Variants in FHL3 observed in about 807,000 individuals in gnomAD.
FHL3 encodes the protein four and a half LIM domains 3.
FHL3 carries 21 observed loss-of-function variants against 34.3 expected under a neutral mutation model. The observed-to-expected ratio is 0.61, with a 90% CI of 0.43 to 0.88. The LOEUF (loss-of-function observed/expected upper bound fraction) is 0.88, where lower values mean the gene tolerates loss of function less well. Ranked by LOEUF, FHL3 falls within the 40% of genes least tolerant of loss-of-function variation. The probability of loss-of-function intolerance (pLI) is 0.00; values close to 1 mark genes in which losing one functional copy is unlikely to be tolerated. For missense variants in FHL3, 333 were observed against 373.7 expected (o/e 0.89, Z 0.90); for synonymous variants, 137 against 144.6 (o/e 0.95, Z 0.38).
rs1646548682 is a variant in FHL3, at chr1:37,997,690, T to C, written c.682A>G (p.Ile228Val). The C allele has an allele frequency of 6.2e-7, 1 of 1,613,930 alleles. No homozygotes were observed. Among genetic ancestry groups the C allele is most frequent in the African/African-American group, 1.3e-5 (1 of 74,894 alleles). The change falls in exon 5 of 6, where the codon ATC becomes GTC. Residue 228 changes from isoleucine to valine, a missense_variant. By Grantham distance (29) the Ile-to-Val change is conservative. Coordinates refer to ENST00000373016, the MANE Select transcript of FHL3 (RefSeq NM_004468.5). The surrounding 1 kb of genome is among the most constrained non-coding windows in gnomAD (Gnocchi z 4.3). ...APKCSSCKRP[I>V]VGLGGGKYVS... ...TCTTTGACCCTTGTCCCACCTACGA[T>C]GGGGCGCTTGCAGCTGCTGCACTTA...
intron 1 of FHL3, among the ~76,000 whole-genome samples, chr1:38,000,348 T>C (rs1453950733): frequency 6.6e-6 from 1 of 152,156 alleles, no homozygotes; most frequent in East Asian, 1.9e-4. Context: ...TGCTAACATC[T>C]GGCAAAACCC....
chr1:38,002,010 G>C lies in FHL3; in HGVS notation c.-20-2578C>G, dbSNP rs566160543. Among the ~76,000 whole-genome samples, 23 of 152,228 alleles carry C rather than the reference G, an allele frequency of 1.5e-4. No individual in the cohort carries two copies. In the South Asian group the frequency reaches 4.8e-3, roughly 32 times the overall value. ...GATAATAAATACTCAGAAAATGGTAGCTATTAGTATTTTACTATTAGCGCC... is the reference window on the plus strand; with the variant it reads ...GATAATAAATACTCAGAAAATGGTACCTATTAGTATTTTACTATTAGCGCC... On this transcript the variant is annotated intron_variant, in intron 1 of 5. Coordinates refer to ENST00000373016, the MANE Select transcript of FHL3 (RefSeq NM_004468.5).
rs1481058223 is a variant in FHL3, at chr1:37,999,055, C to T, written c.250G>A (p.Asp84Asn). 6.2e-7 allele frequency: 1 copy of T among 1,614,236 alleles called. No homozygotes were observed. ...CAGTCATTGCAGAGCAGCTCACTGT[C>T]CTGGCAGGTGAAGGGTTCATCGGCT... is the stretch of plus-strand genomic sequence containing the variant. The part of the protein sequence containing the change: ...SLADEPFTCQ[D>N]SELLCNDCYC... Residue 84 changes from aspartate to asparagine, a missense_variant, in exon 3 of 6, where the codon GAC (aspartate) becomes AAC (asparagine). By Grantham distance (23) the Asp-to-Asn change is conservative (BLOSUM62 1). Coordinates refer to ENST00000373016, the MANE Select transcript of FHL3 (RefSeq NM_004468.5).
At chr1:38,002,825 G>T (rs1646609305) in intron 1 of FHL3, among the ~76,000 whole-genome samples, 1 of 150,518 alleles carries the variant, frequency 6.6e-6, no homozygotes, top group African/African-American at 2.5e-5. Context: ...TGCCAGGGCT[G>T]GAGTGCAGTG....
rs1646541893 is a variant in FHL3, at chr1:37,997,179, G to T, written c.*226C>A. 4 of 543,538 alleles carry T rather than the reference G, an allele frequency of 7.4e-6. No homozygotes were observed. The highest frequency in any genetic ancestry group is 1.3e-5 in the Non-Finnish European group (4 of 304,630). The allele number at this position is 543,538 out of a possible 1,614,324, so 33.7% of individuals were successfully genotyped here. On this transcript the variant is annotated 3_prime_UTR_variant, in exon 6 of 6. Transcript: ENST00000373016. The surrounding 1 kb of genome is among the most constrained non-coding windows in gnomAD (Gnocchi z 4.3). ...GGGAGAGGGTGAATTCTGGAGTCCA[G>T]GTGTGGGGAGGGGGCTTGACTCATG... is the stretch of plus-strand genomic sequence containing the variant.
Position 37,999,269 on chromosome 1 carries a change from C to A in FHL3, c.144G>T (p.Gly48=), listed in dbSNP as rs1344083459. 2 of 1,614,198 alleles carry A rather than the reference C, an allele frequency of 1.2e-6. No individual in the cohort carries two copies. Among genetic ancestry groups the A allele is most frequent in the South Asian group, 2.2e-5 (2 of 91,090 alleles). ...GCCCTCTCCTTACCCTCGAGTCATG[C>A]CCGATAAGCTGCTGGCACTCAGCAC... ...NTCAECQQLI[G]HDSRELFYED... Residue 48 remains glycine (G), a synonymous_variant, in exon 2 of 6, where the codon GGG becomes GGT. Transcript: ENST00000373016.
Position 37,997,113 on chromosome 1 carries a change from T to G in FHL3, c.*292A>C. On this transcript the variant is annotated 3_prime_UTR_variant, in exon 6 of 6. Transcript: ENST00000373016. The surrounding 1 kb of genome is among the most constrained non-coding windows in gnomAD (Gnocchi z 4.3). ...TTTGGAGGGCTCGGGTCTAGAGCCC[T>G]GATTTGGGGAGAGGACTCAGTCTGG... The G allele has an allele frequency of 8.6e-6, 3 of 349,758 alleles. No individual in the cohort carries two copies. The highest frequency in any genetic ancestry group is 1.6e-5 in the Non-Finnish European group (3 of 188,728). 21.7% of individuals were successfully genotyped at this position (349,758 alleles called of 1,614,324 possible).
chr1:38,001,158 C>A (rs1036150210), intron 1 of FHL3, among the ~76,000 whole-genome samples: 1 of 152,232 alleles, frequency 6.6e-6, no homozygotes, highest in South Asian at 2.1e-4. Context: ...CATGAGGCCA[C>A]CAGGGGCCAG....
At chr1:38,002,288 C>T (rs188250407) in intron 1 of FHL3, among the ~76,000 whole-genome samples, 15 of 151,942 alleles carry the variant, frequency 9.9e-5, no homozygotes, top group African/African-American at 2.9e-4. Flanking sequence ...TTAGTAGAGA[C>T]GGGGTTTCAC....
At chr1:38,000,398 A>G (rs1282727868) in intron 1 of FHL3, among the ~76,000 whole-genome samples, 1 of 152,000 alleles carries the variant, frequency 6.6e-6, no homozygotes, top group Non-Finnish European at 1.5e-5. Flanking sequence ...TTTCCCTCCT[A>G]CTGCCTCTGG....
At chr1:38,000,103 G>A (rs1490384948) in intron 1 of FHL3, among the ~76,000 whole-genome samples, 2 of 152,218 alleles carry the variant, frequency 1.3e-5, no homozygotes, top group African/African-American at 4.8e-5. Flanking sequence ...AATCCTGCAA[G>A]CTGGACACAG....
intron 1 of FHL3, among the ~76,000 whole-genome samples, chr1:38,002,190 C>T (rs1646602579): frequency 6.6e-6 from 1 of 151,986 alleles, no homozygotes; most frequent in Non-Finnish European, 1.5e-5. Context: ...CCTCCACCTC[C>T]CGGGTTCAAG....
chr1:38,002,404 A>G (rs7512757), intron 1 of FHL3, among the ~76,000 whole-genome samples: 144,981 of 152,016 alleles, frequency 0.95, 69,150 homozygotes, highest in East Asian at 0.98. Flanking sequence ...TGCCTGGACT[A>G]GAATTTTTAA....
chr1:37,999,096 C>T lies in FHL3; in HGVS notation c.209G>A (p.Arg70His), dbSNP rs764957505. The T allele has an allele frequency of 4.3e-6, 7 of 1,614,034 alleles. No homozygotes were observed. Among genetic ancestry groups the T allele is most frequent in the East Asian group, 2.2e-5 (1 of 44,904 alleles). ...TTCATCGGCTAGTGAGCGCTGGCAG[C>T]GGCAGCAGCGGAAGCAGCCCTCGTG... is the stretch of plus-strand genomic sequence containing the variant. ...HFHEGCFRCCRCQRSLADEPF... is the reference protein window; with the variant it reads ...HFHEGCFRCCHCQRSLADEPF... Residue 70 changes from arginine (R) to histidine (H), a missense_variant, in exon 3 of 6, where the codon CGC becomes CAC. Coordinates refer to ENST00000373016, the MANE Select transcript of FHL3 (RefSeq NM_004468.5).
In FHL3 at chr1:37,998,125, C is replaced by T. The variant is rs1468643041; in HGVS notation, c.339G>A (p.Arg113=). 1 of 1,613,984 alleles carries T rather than the reference C, an allele frequency of 6.2e-7. No homozygotes were observed. Among genetic ancestry groups the T allele is most frequent in the Non-Finnish European group, 8.5e-7 (1 of 1,179,934 alleles). The change falls in exon 4 of 6, where the codon CGG becomes CGA. Residue 113 remains arginine (R), a synonymous_variant. Transcript: ENST00000373016. ...ATGTCTGGCCTCCATATTCCAGCTT[C>T]CGGGACCCTGTGGGGAACAGGGGTC... ...ACGETVMPGS[R]KLEYGGQTWH... is the part of the protein sequence containing the mutation.
Position 37,999,318 on chromosome 1 carries a change from T to C in FHL3, c.95A>G (p.Tyr32Cys). ...ACAGGTGTTGGCAAAGGTATTGTCA[T>C]AGCAGGGCACACAGTAGGGGCCGCT... is the stretch of plus-strand genomic sequence containing the variant. ...TDSGPYCVPC[Y>C]DNTFANTCAE... is the part of the protein sequence containing the mutation. The change falls in exon 2 of 6, where the codon TAT becomes TGT. Residue 32 changes from tyrosine to cysteine, a missense_variant. Coordinates refer to ENST00000373016, the MANE Select transcript of FHL3 (RefSeq NM_004468.5). 8 of 1,614,230 alleles carry C rather than the reference T, an allele frequency of 5.0e-6. No homozygotes were observed. The highest frequency in any genetic ancestry group is 6.8e-6 in the Non-Finnish European group (8 of 1,180,042).
Position 37,999,021 on chromosome 1 carries a change from C to T in FHL3, c.284G>A (p.Ser95Asn). The change falls in exon 3 of 6, where the codon AGT (serine) becomes AAT (asparagine). Residue 95 changes from serine to asparagine, a missense_variant. Ser to Asn is a conservative substitution (Grantham distance 46, BLOSUM62 1). Coordinates refer to ENST00000373016, the MANE Select transcript of FHL3 (RefSeq NM_004468.5). The stretch of plus-strand genomic sequence containing the variant: ...AGCGGAGCACTGCGAGGAAAACGCA[C>T]TGCAGTAGCAGTCATTGCAGAGCAG... ...SELLCNDCYC[S>N]AFSSQCSACG... The T allele has an allele frequency of 6.2e-7, 1 of 1,614,260 alleles. No individual in the cohort carries two copies. The highest frequency in any genetic ancestry group is 8.5e-7 in the Non-Finnish European group (1 of 1,180,048).
rs772133286 is a variant in FHL3, at chr1:37,999,118, C to T, written c.187G>A (p.Glu63Lys). The T allele has an allele frequency of 1.9e-5, 31 of 1,614,010 alleles. No homozygotes were observed. The highest frequency in any genetic ancestry group is 2.3e-5 in the Non-Finnish European group (27 of 1,180,040). Residue 63 changes from glutamate (E) to lysine (K), a missense_variant, in exon 3 of 6, where the codon GAG (glutamate) becomes AAG (lysine). Transcript: ENST00000373016. ...ELFYEDRHFH[E>K]GCFRCCRCQR... ...CAGCGGCAGCAGCGGAAGCAGCCCTCGTGGAAATGGCGGTCTTCATAGAAC... is the reference window on the plus strand; with the variant it reads ...CAGCGGCAGCAGCGGAAGCAGCCCTTGTGGAAATGGCGGTCTTCATAGAAC...
At chr1:38,000,559 C>T (rs1042792972) in intron 1 of FHL3, among the ~76,000 whole-genome samples, 1 of 152,154 alleles carries the variant, frequency 6.6e-6, no homozygotes, top group African/African-American at 2.4e-5. Flanking sequence ...CTGAGAGCTG[C>T]TGCTGGAGAC....
Sources: gnomAD v4.1 joint callset for allele counts (sites outside exome capture counted in the v4.1 genomes callset) on GRCh38, gnomAD v4.1.1 for gene constraint, Gnocchi (gnomAD v3.1) non-coding constraint, MANE v1.5 for transcripts, NCBI Gene and HGNC (gene_info 2026-07-23, HGNC 2026-07-21) for gene names.